TMPRSS11D: variants seen among roughly 807,000 people sequenced by gnomAD.
TMPRSS11D encodes the protein transmembrane protease serine 11D.
TMPRSS11D carries 32 observed loss-of-function variants against 44.4 expected under a neutral mutation model. The observed-to-expected ratio is 0.72, with a 90% CI of 0.54 to 0.97. The LOEUF (loss-of-function observed/expected upper bound fraction) is 0.97, where lower values mean the gene tolerates loss of function less well. Ranked by LOEUF, TMPRSS11D falls within the 50% of genes least tolerant of loss-of-function variation. The pLI, the probability that TMPRSS11D is intolerant of heterozygous loss-of-function variation, is 0.00. For missense variants in TMPRSS11D, 446 were observed against 502.6 expected, an observed-to-expected ratio of 0.89 and a Z score of 1.08; for synonymous variants, 179 against 177.9, an observed-to-expected ratio of 1.01 and a Z score of -0.05.
intron 1 of TMPRSS11D, among the ~76,000 whole-genome samples, chr4:67,867,603 A>C (rs1409143533): frequency 1.3e-5 from 2 of 152,178 alleles, no homozygotes; most frequent in African/African-American, 4.8e-5. Context: ...AATGTCTAGA[A>C]TCTATAAGGA....
intron 3 of TMPRSS11D, among the ~76,000 whole-genome samples, chr4:67,843,721 A>G (rs1320484854): frequency 6.6e-6 from 1 of 152,130 alleles, no homozygotes; most frequent in Non-Finnish European, 1.5e-5. Flanking sequence ...CAGGAGATCG[A>G]GACCATCCTG....
intron 5 of TMPRSS11D, among the ~76,000 whole-genome samples, chr4:67,835,546 A>G (rs1397868737): frequency 6.6e-6 from 1 of 152,174 alleles, no homozygotes; most frequent in African/African-American, 2.4e-5. Flanking sequence ...CCACTCTATA[A>G]TAAGTGCTGC....
intron 2 of TMPRSS11D, among the ~76,000 whole-genome samples, chr4:67,857,306 TATATATATATATATATACACAC>T (rs1718671856): frequency 1.3e-5 from 1 of 77,654 alleles, no homozygotes; most frequent in Non-Finnish European, 2.6e-5. Flanking sequence ...TATATATATA[TATATATATATATATATACACAC>T]ACACACACAC....
At chr4:67,835,266 G>C (rs1545935) in intron 5 of TMPRSS11D, 145 bp from the exon 6 acceptor site, 21,584 of 677,514 alleles carry the variant, frequency 0.032, 406 homozygotes, top group Middle Eastern at 0.053. Context: ...CAGATTCCTA[G>C]GCTTCCTTTC....
At chr4:67,828,448 A>G (rs1016974046) in intron 7 of TMPRSS11D, among the ~76,000 whole-genome samples, 4 of 152,148 alleles carry the variant, frequency 2.6e-5, no homozygotes, top group African/African-American at 7.2e-5. Context: ...GATCATCCAC[A>G]TCAGTTTGCT....
At chr4:67,875,666 T>C (rs765906949) in intron 1 of TMPRSS11D, among the ~76,000 whole-genome samples, 1 of 152,262 alleles carries the variant, frequency 6.6e-6, no homozygotes, top group Non-Finnish European at 1.5e-5. Flanking sequence ...CTGCCATTTA[T>C]TTGCTGTGTG....
intron 4 of TMPRSS11D, chr4:67,838,985 A>G (rs975097301): frequency 1.3e-5 from 2 of 152,096 alleles, no homozygotes; most frequent in African/African-American, 2.4e-5. Context: ...CTAAAACCTC[A>G]GTAATTTCTA....
intron 1 of TMPRSS11D, among the ~76,000 whole-genome samples, chr4:67,870,502 T>G (rs1221729657): frequency 6.6e-6 from 1 of 152,200 alleles, no homozygotes; most frequent in African/African-American, 2.4e-5. Flanking sequence ...AGTGAGACCT[T>G]GCTGACTACT....
chr4:67,871,125 T>A (rs1002400968), intron 1 of TMPRSS11D, among the ~76,000 whole-genome samples: 3 of 140,508 alleles, frequency 2.1e-5, no homozygotes. Context: ...GATTCTCGTA[T>A]TGAAAAGTCT....
Position 67,875,307 on chromosome 4 carries a change from C to T in TMPRSS11D, c.8+8619G>A, listed in dbSNP as rs184914504. On this transcript the variant is annotated intron_variant, in intron 1 of 9. Coordinates refer to ENST00000283916, the MANE Select transcript of TMPRSS11D (RefSeq NM_004262.3). Reference sequence around the variant, plus strand: ...GCTGTTGTAATCAGAAAAAGCTGCTCGACAGGAGGCAAATCCCTTCTTTGG... The same window carrying T: ...GCTGTTGTAATCAGAAAAAGCTGCTTGACAGGAGGCAAATCCCTTCTTTGG... Among the ~76,000 whole-genome samples the T allele has an allele frequency of 4.6e-5, 7 of 152,286 alleles. No homozygotes were observed. In the East Asian group the frequency reaches 1.2e-3, roughly 25 times the overall value.
chr4:67,854,114 G>C lies in TMPRSS11D; in HGVS notation c.203C>G (p.Pro68Arg). The change falls in exon 3 of 10, where the codon CCA becomes CGA. Residue 68 changes from proline to arginine, a missense_variant. Pro to Arg is a moderately radical substitution (Grantham distance 103, BLOSUM62 -2). Transcript: ENST00000283916. ...NVEYNSQLNS[P>R]ATQEYRTLSG... ...CAAAGTCCTGTATTCCTGTGTAGCT[G>C]GTGAATTTAACTGACTATTATATTC... The C allele has an allele frequency of 6.3e-7, 1 of 1,599,330 alleles. No homozygotes were observed. The highest frequency in any genetic ancestry group is 8.5e-7 in the Non-Finnish European group (1 of 1,174,156).
chr4:67,875,305 C>T (rs370311783), intron 1 of TMPRSS11D, among the ~76,000 whole-genome samples: 2 of 152,192 alleles, frequency 1.3e-5, no homozygotes, highest in African/African-American at 2.4e-5. Flanking sequence ...GAAAAAGCTG[C>T]TCGACAGGAG....
intron 2 of TMPRSS11D, among the ~76,000 whole-genome samples, chr4:67,858,241 G>A (rs1718703957): frequency 1.3e-5 from 2 of 152,124 alleles, no homozygotes; most frequent in South Asian, 4.1e-4. Context: ...CTGGGGGAAG[G>A]GTGGTTGTTT....
At chr4:67,863,553 T>C (rs1718846978) in intron 1 of TMPRSS11D, among the ~76,000 whole-genome samples, 1 of 152,082 alleles carries the variant, frequency 6.6e-6, no homozygotes, top group Non-Finnish European at 1.5e-5. Context: ...GAAAGATTTC[T>C]TTAATTGATT....
chr4:67,850,646 G>A (rs1307911752), intron 3 of TMPRSS11D, among the ~76,000 whole-genome samples: 1 of 152,184 alleles, frequency 6.6e-6, no homozygotes, highest in Non-Finnish European at 1.5e-5. Flanking sequence ...GAGGGTTTAT[G>A]TAGTAAAGGA....
rs1577798584 is a variant in TMPRSS11D at position 67,822,172 on chromosome 4, T to G, written c.*165A>C. On this transcript the variant is annotated 3_prime_UTR_variant, in exon 10 of 10. Transcript: ENST00000283916. Reference sequence around the variant, plus strand: ...AGTTCTCTGGAGAAAATAGAAAACCTTTAATAATAAAGAAAGGTTAAACAG... The same window carrying G: ...AGTTCTCTGGAGAAAATAGAAAACCGTTAATAATAAAGAAAGGTTAAACAG... 3 of 789,150 alleles carry G rather than the reference T, an allele frequency of 3.8e-6. No homozygotes were observed. Among genetic ancestry groups the G allele is most frequent in the African/African-American group, 1.7e-5 (1 of 58,304 alleles). The allele number at this position is 789,150 out of a possible 1,614,324, so 48.9% of individuals were successfully genotyped here.
rs983058869 is a variant in TMPRSS11D, at chr4:67,820,998, T to C, written c.*1339A>G. 6.6e-6 allele frequency: 1 copy of C among 152,364 alleles called. No homozygotes were observed. Among genetic ancestry groups the C allele is most frequent in the South Asian group, 2.1e-4 (1 of 4,832 alleles). The allele number at this position is 152,364 out of a possible 1,614,324, so 9.4% of individuals were successfully genotyped here. On this transcript the variant is annotated 3_prime_UTR_variant, in exon 10 of 10. Coordinates refer to ENST00000283916, the MANE Select transcript of TMPRSS11D (RefSeq NM_004262.3). ...AGTAGATGGCTTTATTGTAGGTGTTTGCACAATTTTACATCAGGAAATACA... is the reference window on the plus strand; with the variant it reads ...AGTAGATGGCTTTATTGTAGGTGTTCGCACAATTTTACATCAGGAAATACA...
intron 3 of TMPRSS11D, among the ~76,000 whole-genome samples, chr4:67,844,379 C>A (rs1044982639): frequency 6.6e-6 from 1 of 151,936 alleles, no homozygotes; most frequent in African/African-American, 2.4e-5. Context: ...TTCCAGAGAA[C>A]CTTTGAACAA....
Position 67,827,338 on chromosome 4 carries a change from C to A in TMPRSS11D, c.875G>T (p.Cys292Phe), listed in dbSNP as rs767728095. Residue 292 changes from cysteine (C) to phenylalanine (F), a missense_variant, in exon 8 of 10, where the codon TGT (cysteine) becomes TTT (phenylalanine). Coordinates refer to ENST00000283916, the MANE Select transcript of TMPRSS11D (RefSeq NM_004262.3). Reference sequence around the variant, plus strand: ...AATATTCTGGGTAGCAGCTGGGAGACACACACTATGGATATCTTTGGTAAA... The same window carrying A: ...AATATTCTGGGTAGCAGCTGGGAGAAACACACTATGGATATCTTTGGTAAA... ...VTFTKDIHSV[C>F]LPAATQNIPP... 1.2e-6 allele frequency: 2 copies of A among 1,613,264 alleles called. No individual in the cohort carries two copies. Among genetic ancestry groups the A allele is most frequent in the South Asian group, 1.1e-5 (1 of 91,054 alleles).
Sources: gnomAD v4.1 joint callset for allele counts (sites outside exome capture counted in the v4.1 genomes callset) on GRCh38, gnomAD v4.1.1 for gene constraint, MANE v1.5 for transcripts, NCBI Gene and HGNC (gene_info 2026-07-23, HGNC 2026-07-21) for gene names.